PCCA: variants seen among roughly 807,000 people sequenced by gnomAD.
PCCA encodes the protein propionyl-CoA carboxylase alpha chain, mitochondrial.
PCCA carries 74 observed loss-of-function variants against 101.3 expected under a neutral mutation model. That is an observed-to-expected ratio of 0.73 (90% confidence interval 0.61 to 0.89). PCCA has a LOEUF of 0.89. Ranked by LOEUF, PCCA falls within the 40% of genes least tolerant of loss-of-function variation. The pLI, the probability that PCCA is intolerant of heterozygous loss-of-function variation, is 0.00. For missense variants in PCCA, 891 were observed against 907.0 expected, an observed-to-expected ratio of 0.98 and a Z score of 0.23; for synonymous variants, 294 against 313.6, an observed-to-expected ratio of 0.94 and a Z score of 0.66.
intron 21 of PCCA, among the ~76,000 whole-genome samples, chr13:100,493,463 T>G (rs1030204802): frequency 7.5e-6 from 1 of 133,334 alleles, no homozygotes; most frequent in Non-Finnish European, 1.7e-5. Flanking sequence ...GCTTTCAGAG[T>G]ACGTCCGAGC....
chr13:100,195,347 A>G (rs550600003), intron 6 of PCCA, among the ~76,000 whole-genome samples: 69 of 152,344 alleles, frequency 4.5e-4, no homozygotes, highest in African/African-American at 1.5e-3. Context: ...ATTATTATGT[A>G]AAGCAGAAAG....
intron 15 of PCCA, among the ~76,000 whole-genome samples, chr13:100,308,149 G>A (rs2066615134): frequency 6.6e-6 from 1 of 152,106 alleles, no homozygotes; most frequent in South Asian, 2.1e-4. Flanking sequence ...CACAATGGCC[G>A]GCCAGATTGT....
chr13:100,449,292 T>A lies in PCCA; in HGVS notation c.1886T>A (p.Phe629Tyr). 2.0e-6 allele frequency: 3 copies of A among 1,533,514 alleles called. No individual in the cohort carries two copies. The highest frequency in any genetic ancestry group is 2.7e-6 in the Non-Finnish European group (3 of 1,130,870). The allele number at this position is 1,533,514 out of a possible 1,614,324, so 95.0% of individuals were successfully genotyped here. ...GCAGGTGGAAACATGAGCATTCAGT[T>A]TCTTGGTACAGTGGTAAGTATGAAA... ...REAGGNMSIQ[F>Y]LGTVYKVNIL... The change falls in exon 21 of 24, where the codon TTT (phenylalanine) becomes TAT (tyrosine). Residue 629 changes from phenylalanine (F) to tyrosine (Y), a missense_variant. Transcript: ENST00000376285.
chr13:100,438,811 T>C (rs753094182), intron 20 of PCCA, among the ~76,000 whole-genome samples: 2 of 152,130 alleles, frequency 1.3e-5, no homozygotes, highest in African/African-American at 4.8e-5. Flanking sequence ...ATTTGGGGGC[T>C]GCTTTGCATT....
chr13:100,417,840 C>T (rs1010488104), intron 19 of PCCA, among the ~76,000 whole-genome samples: 4 of 152,124 alleles, frequency 2.6e-5, no homozygotes, highest in African/African-American at 2.4e-5. Flanking sequence ...TCATACCACA[C>T]GCACCTCCAA....
intron 4 of PCCA, among the ~76,000 whole-genome samples, chr13:100,142,374 G>T (rs1038633953): frequency 1.3e-5 from 2 of 151,922 alleles, no homozygotes; most frequent in Non-Finnish European, 2.9e-5. Flanking sequence ...GCCAGGTAGG[G>T]TGTCTTTAAC....
At chr13:100,285,701 A>G (rs1420900456) in intron 12 of PCCA, among the ~76,000 whole-genome samples, 1 of 152,116 alleles carries the variant, frequency 6.6e-6, no homozygotes, top group Non-Finnish European at 1.5e-5. Flanking sequence ...CAACCCTGCC[A>G]CTTTTCTCCC....
chr13:100,255,277 C>G (rs1352104788), intron 8 of PCCA, among the ~76,000 whole-genome samples: 1 of 152,152 alleles, frequency 6.6e-6, no homozygotes, highest in Non-Finnish European at 1.5e-5. Flanking sequence ...GACTTCCCAC[C>G]TTTTCTGAGC....
intron 21 of PCCA, among the ~76,000 whole-genome samples, chr13:100,497,779 C>T (rs2152986164): frequency 6.6e-6 from 1 of 152,220 alleles, no homozygotes; most frequent in Non-Finnish European, 1.5e-5. Context: ...TGGTAAATTT[C>T]TCCCTAAGAG....
intron 19 of PCCA, among the ~76,000 whole-genome samples, chr13:100,423,192 G>A (rs1327970431): frequency 7.2e-5 from 11 of 151,876 alleles, no homozygotes; most frequent in Admixed American, 2.6e-4. Flanking sequence ...TCTTCGTGTC[G>A]GAGTCTATCA....
chr13:100,255,025 G>T (rs773370249), intron 8 of PCCA, among the ~76,000 whole-genome samples: 4 of 152,102 alleles, frequency 2.6e-5, no homozygotes, highest in African/African-American at 7.2e-5. Flanking sequence ...GGTCAAGGCT[G>T]CAGTGAGCCA....
chr13:100,166,336 CAG>C (rs2055030693), intron 6 of PCCA, among the ~76,000 whole-genome samples: 1 of 152,032 alleles, frequency 6.6e-6, no homozygotes, highest in South Asian at 2.1e-4. Flanking sequence ...GTTTTGGAGA[CAG>C]AGTTTCCCCT....
At chr13:100,500,656 G>C (rs1174440044) in intron 21 of PCCA, among the ~76,000 whole-genome samples, 1 of 152,178 alleles carries the variant, frequency 6.6e-6, no homozygotes, top group East Asian at 1.9e-4. Flanking sequence ...TTACAGACTA[G>C]AGAGGCCTTC....
chr13:100,486,655 A>G (rs901569499), intron 21 of PCCA, among the ~76,000 whole-genome samples: 3 of 152,198 alleles, frequency 2.0e-5, no homozygotes, highest in Admixed American at 6.5e-5. Flanking sequence ...GCTTATGCCT[A>G]TAATCCCAGC....
intron 9 of PCCA, among the ~76,000 whole-genome samples, chr13:100,259,884 T>C (rs1043248709): frequency 6.6e-6 from 1 of 152,218 alleles, no homozygotes; most frequent in African/African-American, 2.4e-5. Context: ...CAGTAAATAC[T>C]TATTGAATGA....
intron 6 of PCCA, among the ~76,000 whole-genome samples, chr13:100,168,792 A>C (rs1001515799): frequency 6.6e-6 from 1 of 152,092 alleles, no homozygotes. Flanking sequence ...TTCCTTACCA[A>C]TGACCAGTTT....
intron 7 of PCCA, among the ~76,000 whole-genome samples, chr13:100,217,392 C>T (rs914687147): frequency 4.7e-5 from 7 of 150,390 alleles, no homozygotes; most frequent in Non-Finnish European, 7.4e-5. Context: ...TGCAGTGAGC[C>T]GAGATCATGC....
intron 20 of PCCA, among the ~76,000 whole-genome samples, chr13:100,443,911 C>T (rs901868886): frequency 2.6e-5 from 4 of 152,074 alleles, no homozygotes; most frequent in South Asian, 2.1e-4. Flanking sequence ...CTCCTAGCCT[C>T]GTCCTTCCCC....
At chr13:100,407,316 C>T (rs777657783) in intron 19 of PCCA, among the ~76,000 whole-genome samples, 3 of 152,066 alleles carry the variant, frequency 2.0e-5, no homozygotes, top group African/African-American at 4.8e-5. Flanking sequence ...CTGGACTATC[C>T]GAAAAGCCAG....
Sources: allele counts gnomAD v4.1 joint callset (sites outside exome capture counted in the v4.1 genomes callset), GRCh38; gene constraint gnomAD v4.1.1; transcripts MANE v1.5; gene names NCBI Gene and HGNC (gene_info 2026-07-23, HGNC 2026-07-21).